Variants in MAGED1 observed in about 807,000 individuals in gnomAD.
MAGED1 encodes melanoma-associated antigen D1.
MAGED1 carries 3 observed loss-of-function variants against 54.1 expected under a neutral mutation model. That is an observed-to-expected ratio of 0.06 (90% CI 0.03 to 0.14). The LOEUF is 0.14. Among genes scored for constraint, MAGED1 ranks in the 10% least tolerant of loss-of-function variants. The pLI is 1.00. For missense variants in MAGED1, 485 were observed against 623.4 expected (o/e 0.78, Z 2.36); for synonymous variants, 217 against 227.3 (o/e 0.95, Z 0.41).
At chrX:51,842,777 C>T (rs1312890600) in intron 1 of MAGED1, among the ~76,000 whole-genome samples, 4 of 110,925 alleles carry the variant, frequency 3.6e-5, no homozygotes, top group Non-Finnish European at 5.7e-5. Flanking sequence ...CCTCCACCTC[C>T]GAGGCTCAAG....
chrX:51,870,193 T>G (rs1927615400), intron 1 of MAGED1, among the ~76,000 whole-genome samples: 2 of 112,139 alleles, frequency 1.8e-5, no homozygotes, highest in African/African-American at 3.2e-5. Flanking sequence ...ATCAATAATT[T>G]AAAAAGTGAG....
At chrX:51,846,368 CT>C (rs782114832) in intron 1 of MAGED1, among the ~76,000 whole-genome samples, 47 of 111,144 alleles carry the variant, frequency 4.2e-4, no homozygotes, top group African/African-American at 1.5e-3. Flanking sequence ...GCAGTGCCTA[CT>C]TTGAAGATGG....
At chrX:51,808,489 A>G (rs1557355294) in intron 1 of MAGED1, among the ~76,000 whole-genome samples, 1 of 112,035 alleles carries the variant, frequency 8.9e-6, no homozygotes, top group African/African-American at 3.2e-5. Flanking sequence ...TGGGAGGACA[A>G]CTTGAGCCCA....
intron 1 of MAGED1, among the ~76,000 whole-genome samples, chrX:51,804,507 C>T (rs921998761): frequency 8.9e-6 from 1 of 111,748 alleles, no homozygotes; most frequent in African/African-American, 3.3e-5. Flanking sequence ...CACTGTGCAT[C>T]CATCCATTCA....
intron 1 of MAGED1, among the ~76,000 whole-genome samples, chrX:51,846,606 C>T (rs1021646299): frequency 8.9e-6 from 1 of 111,799 alleles, no homozygotes; most frequent in African/African-American, 3.3e-5. Context: ...TTAATTGGCT[C>T]ACAGTTCTGC....
chrX:51,898,800 C>T (rs1928878177), intron 10 of MAGED1, 157 bp downstream of exon 10: 2 of 441,523 alleles, frequency 4.5e-6, no homozygotes, highest in Non-Finnish European at 7.4e-6. Flanking sequence ...CCCAGGAGTT[C>T]AAGACCAGCC....
chrX:51,894,577 C>G, intron 2 of MAGED1: 1 of 1,100,308 alleles, frequency 9.1e-7, no homozygotes, highest in Non-Finnish European at 1.2e-6. Flanking sequence ...TCAGGGCAAT[C>G]TGCCCAGAGA....
At chrX:51,816,883 G>A (rs1239425049) in intron 1 of MAGED1, among the ~76,000 whole-genome samples, 5 of 111,602 alleles carry the variant, frequency 4.5e-5, no homozygotes, top group Non-Finnish European at 7.5e-5. Flanking sequence ...AAATGCAGTG[G>A]GTGGCAAAAC....
intron 9 of MAGED1, 62 bp from the exon 10 acceptor site, chrX:51,898,519 C>A: frequency 9.3e-7 from 1 of 1,072,297 alleles, no homozygotes; most frequent in Non-Finnish European, 1.3e-6. Flanking sequence ...GACCTCTGTT[C>A]TGGAAAGCTC....
At chrX:51,861,603 A>G (rs1214397446) in intron 1 of MAGED1, among the ~76,000 whole-genome samples, 2 of 112,320 alleles carry the variant, frequency 1.8e-5, no homozygotes, top group African/African-American at 6.5e-5. Context: ...CTAAAGAGAC[A>G]GGTAGTGAAT....
chrX:51,831,737 A>C, intron 1 of MAGED1, among the ~76,000 whole-genome samples: 1 of 111,974 alleles, frequency 8.9e-6, no homozygotes, highest in East Asian at 2.8e-4. Context: ...ATGAATCTTT[A>C]AATTTTCCAA....
chrX:51,831,499 G>T (rs7878444), intron 1 of MAGED1, among the ~76,000 whole-genome samples: 15,363 of 110,525 alleles, frequency 0.14, 887 homozygotes, highest in African/African-American at 0.19. Context: ...TGTGGTCCTA[G>T]CTACTCAGGA....
intron 1 of MAGED1, among the ~76,000 whole-genome samples, chrX:51,833,043 T>A (rs1926124452): frequency 9.0e-6 from 1 of 111,669 alleles, no homozygotes; most frequent in Admixed American, 9.6e-5. Flanking sequence ...TTTCTTTTTT[T>A]AAATGGAAAA....
intron 1 of MAGED1, among the ~76,000 whole-genome samples, chrX:51,863,160 C>T (rs1927340381): frequency 8.9e-6 from 1 of 112,221 alleles, no homozygotes. Flanking sequence ...CCCATCCACT[C>T]TCTGTTTCTA....
chrX:51,877,033 T>G (rs1175337606), intron 1 of MAGED1, among the ~76,000 whole-genome samples: 1 of 111,016 alleles, frequency 9.0e-6, no homozygotes. Context: ...TGTTTTCTAG[T>G]AAAAGGAATA....
intron 1 of MAGED1, among the ~76,000 whole-genome samples, chrX:51,867,577 A>C (rs181876650): frequency 8.9e-6 from 1 of 111,881 alleles, no homozygotes; most frequent in East Asian, 2.8e-4. Flanking sequence ...TGTGCCCACC[A>C]GTTGAAGGGT....
chrX:51,849,735 T>C (rs1557359592), intron 1 of MAGED1, among the ~76,000 whole-genome samples: 1 of 111,204 alleles, frequency 9.0e-6, no homozygotes, highest in Non-Finnish European at 1.9e-5. Context: ...TATTTGTTTA[T>C]ATATTTTGCT....
At chrX:51,869,825 G>A (rs1176740132) in intron 1 of MAGED1, among the ~76,000 whole-genome samples, 2 of 111,386 alleles carry the variant, frequency 1.8e-5, no homozygotes, top group Non-Finnish European at 3.8e-5. Flanking sequence ...AGCCGAGATC[G>A]TGCCACTGAA....
At chrX:51,885,035 C>T (rs1928192541) in intron 1 of MAGED1, among the ~76,000 whole-genome samples, 2 of 112,321 alleles carry the variant, frequency 1.8e-5, no homozygotes, top group African/African-American at 6.5e-5. Context: ...GACTGAATTT[C>T]TCCTTGCCAT....
Sources: allele counts gnomAD v4.1 joint callset (sites outside exome capture counted in the v4.1 genomes callset), GRCh38; gene constraint gnomAD v4.1.1; transcripts MANE v1.5; gene names NCBI Gene and HGNC (gene_info 2026-07-23, HGNC 2026-07-21).